Variants in ITGB7 observed in about 807,000 individuals in gnomAD.
ITGB7 encodes integrin subunit beta 7.
Under a neutral mutation model 83.4 loss-of-function variants are expected in ITGB7, and 55 were observed. The observed-to-expected ratio is 0.66, with a 90% confidence interval of 0.53 to 0.83. The LOEUF (loss-of-function observed/expected upper bound fraction) is 0.83. Among genes scored for constraint, ITGB7 ranks in the 40% least tolerant of loss-of-function variants. The pLI is 0.00. For missense variants in ITGB7, 921 were observed against 1,046.7 expected, an observed-to-expected ratio of 0.88 and a Z score of 1.66; for synonymous variants, 454 against 423.6, an observed-to-expected ratio of 1.07 and a Z score of -0.88.
rs192435749 is a variant in ITGB7, at chr12:53,194,804, C to A, written c.1162-460G>T. ...TACAGCCTAGTTGCAGAGGTAAGACCTAAACCACTAAGAATTTTTATGGTT... is the reference window on the plus strand; with the variant it reads ...TACAGCCTAGTTGCAGAGGTAAGACATAAACCACTAAGAATTTTTATGGTT... On this transcript the variant is annotated intron_variant, in intron 9 of 15. Coordinates refer to ENST00000267082, the MANE Select transcript of ITGB7 (RefSeq NM_000889.3). The A allele has an allele frequency of 5.7e-3, 973 of 171,464 alleles. 16 individuals are homozygous for A. The highest frequency in any genetic ancestry group is 4.4e-3 in the Non-Finnish European group (344 of 78,308). 10.6% of individuals were successfully genotyped at this position (171,464 alleles called of 1,614,324 possible).
At chr12:53,205,933 C>T (rs1013518741) in intron 1 of ITGB7, among the ~76,000 whole-genome samples, 6 of 152,158 alleles carry the variant, frequency 3.9e-5, no homozygotes, top group South Asian at 4.1e-4. Flanking sequence ...TAACCTCAGC[C>T]CTGCTTGCTC....
rs1028131551 is a variant in ITGB7, at chr12:53,195,473, G to T, written c.1072-10C>A. On this transcript the variant is annotated splice_polypyrimidine_tract_variant and intron_variant, in intron 8 of 15. Transcript: ENST00000267082. Reference sequence around the variant, plus strand: ...TCAGTTTACTCAGCTCCTGAGTTTTGGGGAGTTAAGGGAAATGGTGGGTCA... The same window carrying T: ...TCAGTTTACTCAGCTCCTGAGTTTTTGGGAGTTAAGGGAAATGGTGGGTCA... The T allele has an allele frequency of 9.3e-6, 15 of 1,609,498 alleles. No homozygotes were observed. Among genetic ancestry groups the T allele is most frequent in the African/African-American group, 4.0e-5 (3 of 74,776 alleles).
At chr12:53,193,434 A>G (rs547971187) in intron 11 of ITGB7, 71 bp from the exon 12 acceptor site, 2 of 1,134,046 alleles carry the variant, frequency 1.8e-6, no homozygotes, top group South Asian at 1.6e-5. Flanking sequence ...TCTCCCAGGA[A>G]CCTCTAAACC....
chr12:53,191,625 AG>A lies in ITGB7; in HGVS notation c.2327del (p.Pro776LeufsTer51). The A allele has an allele frequency of 6.2e-7, 1 of 1,613,340 alleles. No homozygotes were observed. The highest frequency in any genetic ancestry group is 1.1e-5 in the South Asian group (1 of 91,068). Reference sequence around the variant, plus strand: ...TGGTCGTGATGGCACTTTTGTAGAGAGGATTACTGTCCTGGAGAAAGATGTT... The same window carrying A: ...TGGTCGTGATGGCACTTTTGTAGAGAGATTACTGTCCTGGAGAAAGATGTT... ...QQLNWKQDSN[P>X]LYKSAITTTI... On this transcript the variant is annotated frameshift_variant, in exon 16 of 16. Transcript: ENST00000267082. LOFTEE classifies it high-confidence loss of function.
At chr12:53,202,945 G>A (rs186908295) in intron 1 of ITGB7, among the ~76,000 whole-genome samples, 15 of 152,230 alleles carry the variant, frequency 9.9e-5, no homozygotes, top group Non-Finnish European at 1.3e-4. Context: ...AGAGATCAAA[G>A]CCCTAAATAT....
intron 9 of ITGB7, chr12:53,194,943 C>T (rs1013169022): frequency 2.1e-5 from 4 of 188,786 alleles, no homozygotes; most frequent in African/African-American, 9.3e-5. Flanking sequence ...TGACTGGGGA[C>T]AAATGCCAGC....
At chr12:53,196,951 C>A in intron 5 of ITGB7, 131 bp from the exon 6 acceptor site, 2 of 1,041,030 alleles carry the variant, frequency 1.9e-6, no homozygotes, top group Non-Finnish European at 2.8e-6. Context: ...GGGCAGGGAC[C>A]TGGTAACTGG....
At chr12:53,193,965 C>A in intron 10 of ITGB7, 64 bp from the exon 11 acceptor site, 1 of 1,467,440 alleles carries the variant, frequency 6.8e-7, no homozygotes, top group Non-Finnish European at 9.3e-7. Flanking sequence ...CCAAACTCAC[C>A]AATCATCCAG....
At chr12:53,201,024 T>G (rs10876419) in intron 2 of ITGB7, 48 bp downstream of exon 2, 7,833 of 152,470 alleles carry the variant, frequency 0.051, 286 homozygotes, top group East Asian at 0.16. Context: ...CTAAAGGATT[T>G]GGGGACTGAG....
At position 53,193,266 on chromosome 12, in the gene ITGB7, C is replaced by T; in HGVS notation, c.1600G>A (p.Gly534Arg). 2 of 1,613,926 alleles carry T rather than the reference C, an allele frequency of 1.2e-6. No homozygotes were observed. The highest frequency in any genetic ancestry group is 1.1e-5 in the South Asian group (1 of 91,048). ...ESGCRAPNGT[G>R]PLCSGKGHCQ... ...TGACCCTTTCCACTGCACAGGGGCC[C>T]TGTGCCATTGGGAGCCCGGCACCCA... is the stretch of plus-strand genomic sequence containing the variant. Residue 534 changes from glycine to arginine, a missense_variant, in exon 12 of 16, where the codon GGG (glycine) becomes AGG (arginine). Transcript: ENST00000267082.
intron 11 of ITGB7, 103 bp from the exon 12 acceptor site, chr12:53,193,466 G>T: frequency 1.1e-6 from 1 of 884,934 alleles, no homozygotes; most frequent in Non-Finnish European, 1.7e-6. Context: ...AAGAGTTGGA[G>T]ACAGACAAAC....
chr12:53,192,995 A>G (rs1042972732), intron 12 of ITGB7, 85 bp from the exon 13 acceptor site: 53 of 1,437,634 alleles, frequency 3.7e-5, no homozygotes, highest in African/African-American at 3.6e-4. Context: ...CACGCATCCA[A>G]TCTTTTTGAA....
chr12:53,201,665 A>G (rs1942325310), intron 1 of ITGB7, among the ~76,000 whole-genome samples: 1 of 152,182 alleles, frequency 6.6e-6, no homozygotes, highest in African/African-American at 2.4e-5. Context: ...AGAAATGGAA[A>G]AGCTGATCCT....
intron 3 of ITGB7, 142 bp downstream of exon 3, chr12:53,200,101 T>G: frequency 2.8e-6 from 2 of 711,392 alleles, no homozygotes; most frequent in Non-Finnish European, 4.7e-6. Flanking sequence ...GTGCACAAAC[T>G]CAGTCACACA....
At chr12:53,198,025 C>T (rs949962048) in intron 3 of ITGB7, 74 bp from the exon 4 acceptor site, 1 of 1,254,540 alleles carries the variant, frequency 8.0e-7, no homozygotes, top group Non-Finnish European at 1.1e-6. Flanking sequence ...AAACACCCTG[C>T]AAACCCGGCC....
chr12:53,197,640 G>A lies in ITGB7; in HGVS notation c.427C>T (p.Arg143Cys), dbSNP rs1942210015. ...RPGEPQQLQV[R>C]FLRAEGYPVD... ...GGGTATCCCTCAGCACGAAGGAAGC[G>A]GACCTGGAGCTGCTGGGGCTCCCCT... is the stretch of plus-strand genomic sequence containing the variant. Residue 143 changes from arginine (R) to cysteine (C), a missense_variant, in exon 5 of 16, where the codon CGC becomes TGC. Transcript: ENST00000267082. 2 of 1,613,900 alleles carry A rather than the reference G, an allele frequency of 1.2e-6. No individual in the cohort carries two copies. Among genetic ancestry groups the A allele is most frequent in the Non-Finnish European group, 1.7e-6 (2 of 1,179,948 alleles).
At chr12:53,192,947 C>CCA (rs759211981) in intron 12 of ITGB7, 37 bp from the exon 13 acceptor site, 8 of 1,590,432 alleles carry the variant, frequency 5.0e-6, no homozygotes, top group Non-Finnish European at 6.9e-6. Context: ...CAACCATACT[C>CCA]CACACACACA....
intron 14 of ITGB7, 45 bp from the exon 15 acceptor site, chr12:53,192,064 G>A: frequency 6.3e-7 from 1 of 1,593,008 alleles, no homozygotes; most frequent in Non-Finnish European, 8.6e-7. Flanking sequence ...TGGAGCATAG[G>A]GACAGATCAT....
At chr12:53,197,712 C>G (rs1168754434) in intron 4 of ITGB7, 38 bp downstream of exon 4, 8 of 1,597,948 alleles carry the variant, frequency 5.0e-6, no homozygotes, top group Non-Finnish European at 6.8e-6. Flanking sequence ...GGAACGCCAG[C>G]CTAGACCTCT....
Sources: gnomAD v4.1 joint callset for allele counts (sites outside exome capture counted in the v4.1 genomes callset) on GRCh38, gnomAD v4.1.1 for gene constraint, MANE v1.5 for transcripts, NCBI Gene and HGNC (gene_info 2026-07-23, HGNC 2026-07-21) for gene names.